Variants in TMEM132A observed in about 807,000 individuals in gnomAD.
TMEM132A encodes the protein GRP78-binding protein.
TMEM132A carries 48 observed loss-of-function variants against 69.9 expected under a neutral mutation model. The ratio of observed to expected loss-of-function variants is 0.69; its 90% CI spans 0.55 to 0.87. TMEM132A has a LOEUF of 0.87. Ranked by LOEUF, TMEM132A falls within the 40% of genes least tolerant of loss-of-function variation. TMEM132A has a pLI of 0.00. For synonymous variants in TMEM132A, 577 were observed against 613.7 expected (o/e 0.94, Z 0.88); for missense variants, 1,287 against 1,407.2 (o/e 0.91, Z 1.37).
At chr11:60,927,589 A>G (rs1195039417) in intron 2 of TMEM132A, 52 bp from the exon 3 acceptor site, 1 of 1,517,054 alleles carries the variant, frequency 6.6e-7, no homozygotes, top group African/African-American at 1.4e-5. Context: ...ATCTTCCTAG[A>G]TCTTCCCCTC....
chr11:60,934,620 C>A lies in TMEM132A; in HGVS notation c.1692C>A (p.Arg564=), dbSNP rs1278400594. ...CCCACCCGCTGGACGGCGGCCGCCGCCTCACGCACCTGCTTGGCCCCGACT... is the reference window on the plus strand; with the variant it reads ...CCCACCCGCTGGACGGCGGCCGCCGACTCACGCACCTGCTTGGCCCCGACT... ...FAAHPLDGGR[R]LTHLLGPDWL... is the part of the protein sequence containing the mutation. Residue 564 remains arginine, a synonymous_variant, in exon 9 of 11, where the codon CGC becomes CGA. Transcript: ENST00000453848. The A allele has an allele frequency of 6.3e-7, 1 of 1,586,426 alleles. No homozygotes were observed. Among genetic ancestry groups the A allele is most frequent in the Non-Finnish European group, 8.5e-7 (1 of 1,174,694 alleles).
In TMEM132A at chr11:60,927,823, C is replaced by A. The variant is rs1011811778; in HGVS notation, c.498C>A (p.His166Gln). Residue 166 changes from histidine (H) to glutamine (Q), a missense_variant, in exon 3 of 11, where the codon CAC (histidine) becomes CAA (glutamine). Coordinates refer to ENST00000453848, the MANE Select transcript of TMEM132A (RefSeq NM_178031.3). ...CCTGTGCCCGGCTCCATGCCACACA[C>A]CCTGCCGGCACTGCTCACCAAGCCT... is the stretch of plus-strand genomic sequence containing the variant. ...SLPCARLHAT[H>Q]PAGTAHQACR... 1.2e-6 allele frequency: 2 copies of A among 1,611,852 alleles called. No homozygotes were observed. The highest frequency in any genetic ancestry group is 1.7e-5 in the Admixed American group (1 of 60,016).
intron 8 of TMEM132A, 197 bp downstream of exon 8, chr11:60,933,941 TCCTCC>T: frequency 3.4e-6 from 2 of 589,820 alleles, no homozygotes; most frequent in Non-Finnish European, 6.0e-6. Flanking sequence ...CGCATCCCTC[TCCTCC>T]TTCCCTGCCT....
intron 8 of TMEM132A, chr11:60,934,031 G>T: frequency 2.1e-6 from 1 of 483,406 alleles, no homozygotes; most frequent in Non-Finnish European, 3.6e-6. Context: ...TCCTTTCCAC[G>T]CTCCTCCCCC....
intron 4 of TMEM132A, 34 bp from the exon 5 acceptor site, chr11:60,930,476 C>G: frequency 6.4e-7 from 1 of 1,559,584 alleles, no homozygotes; most frequent in Non-Finnish European, 8.7e-7. Context: ...TCAGCATGCA[C>G]CTTGCCAAAC....
Position 60,931,669 on chromosome 11 carries a change from C to T in TMEM132A, c.1017-20C>T. 6.3e-7 allele frequency: 1 copy of T among 1,591,234 alleles called. No homozygotes were observed. Among genetic ancestry groups the T allele is most frequent in the South Asian group, 1.1e-5 (1 of 88,718 alleles). Reference sequence around the variant, plus strand: ...GGCAGCTAGCAAGCATTTGGCTTCTCTGTCTCCTTTGGCCAGCAGTCCCCT... The same window carrying T: ...GGCAGCTAGCAAGCATTTGGCTTCTTTGTCTCCTTTGGCCAGCAGTCCCCT... On this transcript the variant is annotated intron_variant, in intron 5 of 10. Transcript: ENST00000453848.
At chr11:60,927,502 G>C in intron 2 of TMEM132A, 84 bp downstream of exon 2, 1 of 1,458,488 alleles carries the variant, frequency 6.9e-7, no homozygotes, top group South Asian at 1.3e-5. Flanking sequence ...GCCTTCCCCA[G>C]CCCCGGCTGT....
intron 4 of TMEM132A, among the ~76,000 whole-genome samples, chr11:60,929,654 A>C (rs1856432719): frequency 6.6e-6 from 1 of 152,172 alleles, no homozygotes; most frequent in Non-Finnish European, 1.5e-5. Flanking sequence ...GGACTTGCTC[A>C]CTTTGTAATG....
At position 60,925,083 on chromosome 11, in the gene TMEM132A, G is replaced by T. The variant is rs955866107; in HGVS notation, c.100+350G>T. 3 of 237,386 alleles carry T rather than the reference G, an allele frequency of 1.3e-5. No homozygotes were observed. In the Admixed American group the frequency reaches 1.7e-4, roughly 14 times the overall value. 14.7% of individuals were successfully genotyped at this position (237,386 alleles called of 1,614,324 possible). The stretch of plus-strand genomic sequence containing the variant: ...GCGTCATCCCCACTCCCTCACTGTG[G>T]TCTGTAGCGCTGCACCCTCCTAGCC... On this transcript the variant is annotated intron_variant, in intron 1 of 10. Transcript: ENST00000453848.
At position 60,934,685 on chromosome 11, in the gene TMEM132A, G is replaced by A. The variant is rs769429539; in HGVS notation, c.1757G>A (p.Arg586His). 5 of 1,603,962 alleles carry A rather than the reference G, an allele frequency of 3.1e-6. No homozygotes were observed. The highest frequency in any genetic ancestry group is 2.2e-5 in the East Asian group (1 of 44,816). Residue 586 changes from arginine to histidine, a missense_variant, in exon 9 of 11, where the codon CGC (arginine) becomes CAC (histidine). Physicochemically the swap from Arg to His is conservative, Grantham distance 29 (BLOSUM62 0). Transcript: ENST00000453848. ...DVSHLVAPHA[R>H]VLDSRVASLE... ...TCCCACCTCGTGGCGCCACACGCCC[G>A]CGTGCTGGACTCGCGTGTAGCCTCT...
rs1305659950 is a variant in TMEM132A at position 60,924,556 on chromosome 11, CG to C, written c.-76del. ...CCCAGCGGGCCAGGTGGGGACGGCG[CG>C]GAGCGGGTGCGGGAGATGCCGTGCG... On this transcript the variant is annotated 5_prime_UTR_variant, in exon 1 of 11. Coordinates refer to ENST00000453848, the MANE Select transcript of TMEM132A (RefSeq NM_178031.3). 3.2e-6 allele frequency: 4 copies of C among 1,233,628 alleles called. No homozygotes were observed. The highest frequency in any genetic ancestry group is 6.3e-5 in the East Asian group (2 of 31,642). 76.4% of individuals were successfully genotyped at this position (1,233,628 alleles called of 1,614,324 possible). A position where few individuals can be genotyped will look rare whatever the true frequency, so the allele number is the denominator to read the frequency against.
chr11:60,924,567 CG>C lies in TMEM132A; in HGVS notation c.-64del. On this transcript the variant is annotated 5_prime_UTR_variant, in exon 1 of 11. Coordinates refer to ENST00000453848, the MANE Select transcript of TMEM132A (RefSeq NM_178031.3). ...AGGTGGGGACGGCGCGGAGCGGGTG[CG>C]GGAGATGCCGTGCGGGACTGGGGCC... The C allele has an allele frequency of 1.5e-6, 2 of 1,325,096 alleles. No homozygotes were observed. The highest frequency in any genetic ancestry group is 2.0e-6 in the Non-Finnish European group (2 of 976,858). 82.1% of individuals were successfully genotyped at this position (1,325,096 alleles called of 1,614,324 possible). A position where few individuals can be genotyped will look rare whatever the true frequency, so the allele number is the denominator to read the frequency against.
At chr11:60,929,456 C>T (rs3794041) in intron 4 of TMEM132A, among the ~76,000 whole-genome samples, 65,137 of 152,018 alleles carry the variant, frequency 0.43, 14,130 homozygotes, top group Middle Eastern at 0.47. Context: ...TGTCCTTTTC[C>T]GTAATAAGTT....
At chr11:60,931,636 C>A in intron 5 of TMEM132A, 53 bp from the exon 6 acceptor site, 1 of 1,541,528 alleles carries the variant, frequency 6.5e-7, no homozygotes. Context: ...AGTGCTGAGG[C>A]CATGCCTGGC....
intron 8 of TMEM132A, chr11:60,934,275 C>T (rs942360825): frequency 2.3e-6 from 1 of 437,260 alleles, no homozygotes; most frequent in East Asian, 3.8e-5. Context: ...GAGCGGTGAT[C>T]GAGGCACAGC....
chr11:60,930,611 C>A lies in TMEM132A; in HGVS notation c.968C>A (p.Thr323Asn). ...LDRFKGSRHH[T>N]TLITCHRAGL... ...CGCTTCAAGGGCTCCAGGCACCACACCACCCTCATCACCTGCCACCGTGCT... is the reference window on the plus strand; with the variant it reads ...CGCTTCAAGGGCTCCAGGCACCACAACACCCTCATCACCTGCCACCGTGCT... The change falls in exon 5 of 11, where the codon ACC (threonine) becomes AAC (asparagine). Residue 323 changes from threonine (T) to asparagine (N), a missense_variant. Coordinates refer to ENST00000453848, the MANE Select transcript of TMEM132A (RefSeq NM_178031.3). 2.5e-6 allele frequency: 4 copies of A among 1,613,498 alleles called. No individual in the cohort carries two copies. The highest frequency in any genetic ancestry group is 3.4e-6 in the Non-Finnish European group (4 of 1,179,804).
At chr11:60,929,520 A>G (rs998170105) in intron 4 of TMEM132A, among the ~76,000 whole-genome samples, 1 of 152,160 alleles carries the variant, frequency 6.6e-6, no homozygotes, top group Non-Finnish European at 1.5e-5. Flanking sequence ...GGGCTTGCAG[A>G]GTATGACTTG....
rs974429933 is a variant in TMEM132A at position 60,932,254 on chromosome 11, T to C, written c.1356+127T>C. On this transcript the variant is annotated intron_variant, in intron 7 of 10. Transcript: ENST00000453848. ...CTTCTTCTTGAGACGAGAAACCTCA[T>C]GGGAGGAACCACAGCTTCAACTTCT... The C allele has an allele frequency of 4.2e-6, 5 of 1,183,666 alleles. No individual in the cohort carries two copies. In the African/African-American group the frequency reaches 7.7e-5, roughly 18 times the overall value. The allele number at this position is 1,183,666 out of a possible 1,614,324, so 73.3% of individuals were successfully genotyped here. A position where few individuals can be genotyped will look rare whatever the true frequency, so the allele number is the denominator to read the frequency against.
rs1565120534 is a variant in TMEM132A, at chr11:60,930,507, C to T, written c.867-3C>T. The T allele has an allele frequency of 1.3e-6, 2 of 1,597,732 alleles. No individual in the cohort carries two copies. Among genetic ancestry groups the T allele is most frequent in the Non-Finnish European group, 8.5e-7 (1 of 1,171,864 alleles). On this transcript the variant is annotated splice_polypyrimidine_tract_variant and splice_region_variant and intron_variant, in intron 4 of 10. Transcript: ENST00000453848. ...CAAACTGAGCCTATACTCTCTTCCC[C>T]AGGATCAAGGTGAAGAAGGGGCTGC...
Sources: allele counts gnomAD v4.1 joint callset (sites outside exome capture counted in the v4.1 genomes callset), GRCh38; gene constraint gnomAD v4.1.1; transcripts MANE v1.5; gene names NCBI Gene and HGNC (gene_info 2026-07-23, HGNC 2026-07-21).